The following SBF2 variants were observed in gnomAD, a reference collection of about 807,000 sequenced individuals.
SBF2 encodes the protein SET binding factor 2.
SBF2 carries 112 observed loss-of-function variants against 225.2 expected under a neutral mutation model. The observed-to-expected ratio is 0.50, with a 90% CI of 0.43 to 0.58. The LOEUF is 0.58. SBF2 is among the 20% of genes least tolerant of loss of function. The pLI, the probability that SBF2 is intolerant of heterozygous loss-of-function variation, is 0.00. For synonymous variants in SBF2, 763 were observed against 773.3 expected, an observed-to-expected ratio of 0.99 and a Z score of 0.22; for missense variants, 1,996 against 2,206.2, an observed-to-expected ratio of 0.90 and a Z score of 1.91.
intron 3 of SBF2, among the ~76,000 whole-genome samples, chr11:10,036,312 G>A (rs547964082): frequency 5.3e-5 from 8 of 152,124 alleles, no homozygotes; most frequent in Admixed American, 3.9e-4. Context: ...ATTTAATGTA[G>A]ATGACAGGTT....
chr11:10,098,343 T>C (rs1339764456), intron 2 of SBF2, among the ~76,000 whole-genome samples: 1 of 151,626 alleles, frequency 6.6e-6, no homozygotes, highest in Non-Finnish European at 1.5e-5. Flanking sequence ...ACAGAAAAGG[T>C]CTGAAGGACC....
At chr11:9,795,474 A>G (rs977180482) in intron 33 of SBF2, among the ~76,000 whole-genome samples, 1 of 152,228 alleles carries the variant, frequency 6.6e-6, no homozygotes, top group Non-Finnish European at 1.5e-5. Context: ...TCTAGAGCAC[A>G]GGGTCTTAGC....
At chr11:9,855,501 G>A (rs139494035) in intron 19 of SBF2, among the ~76,000 whole-genome samples, 1,619 of 152,222 alleles carry the variant, frequency 0.011, 10 homozygotes, top group Non-Finnish European at 0.016. Flanking sequence ...AGGATGTTGC[G>A]GCACCCATCA....
intron 17 of SBF2, among the ~76,000 whole-genome samples, chr11:9,889,067 AAC>A (rs1013001236): frequency 1.3e-5 from 2 of 152,178 alleles, no homozygotes; most frequent in African/African-American, 4.8e-5. Flanking sequence ...TGACATGAAA[AAC>A]ACAGATTTTA....
At chr11:10,280,435 T>C (rs566448358) in intron 1 of SBF2, among the ~76,000 whole-genome samples, 1 of 152,204 alleles carries the variant, frequency 6.6e-6, no homozygotes, top group African/African-American at 2.4e-5. Context: ...TCACATCTAT[T>C]CCATACATTT....
intron 13 of SBF2, 58 bp from the exon 14 acceptor site, chr11:9,968,603 CAGGA>C (rs2134388546): frequency 1.4e-6 from 2 of 1,405,734 alleles, no homozygotes; most frequent in Non-Finnish European, 1.0e-6. Context: ...GGCAGATCAC[CAGGA>C]AGGGAGTGGG....
intron 33 of SBF2, 21 bp from the exon 34 acceptor site, chr11:9,790,704 A>G (rs769724546): frequency 1.3e-6 from 2 of 1,537,550 alleles, no homozygotes; most frequent in African/African-American, 2.7e-5. Flanking sequence ...AAAAAATCCA[A>G]CAAAACAAAA....
At chr11:10,013,037 T>G (rs937948608) in intron 6 of SBF2, among the ~76,000 whole-genome samples, 5 of 152,158 alleles carry the variant, frequency 3.3e-5, no homozygotes, top group African/African-American at 1.2e-4. Flanking sequence ...CGTTCATAGT[T>G]TAGCCAGATT....
In SBF2 at chr11:9,967,972, TATATATATATATATATATAAA is replaced by T. The variant is rs372281444; in HGVS notation, c.1600+348_1600+368del. Among the ~76,000 whole-genome samples, 929 of 69,958 alleles carry T rather than the reference TATATATATATATATATATAAA, an allele frequency of 0.013. 29 individuals carry two copies. In the East Asian group the frequency reaches 0.19, roughly 15 times the overall value. 45.9% of individuals were successfully genotyped at this position (69,958 alleles called of 152,430 possible). On this transcript the variant is annotated intron_variant, in intron 14 of 39. Transcript: ENST00000256190. Reference sequence around the variant, plus strand: ...GTCTCTCTCTCTCTCTCTCTCTCTCTATATATATATATATATATAAAATATATATATATTCTCAAATTAAAT... The same window carrying T: ...GTCTCTCTCTCTCTCTCTCTCTCTCTATATATATATATTCTCAAATTAAAT...
intron 3 of SBF2, among the ~76,000 whole-genome samples, chr11:10,038,971 TA>T (rs1471803571): frequency 1.3e-4 from 20 of 151,888 alleles, no homozygotes; most frequent in Admixed American, 1.2e-3. Flanking sequence ...GCTGATTACT[TA>T]AAAAAATTTA....
rs1240231744 is a variant in SBF2 at position 10,206,859 on chromosome 11, A to G, written c.56-12872T>C. Among the ~76,000 whole-genome samples, 7 of 152,064 alleles carry G rather than the reference A, an allele frequency of 4.6e-5. No individual in the cohort carries two copies. The South Asian group carries it at 1.0e-3, about 23-fold the overall frequency. ...GGAACCCATGGGAGGTCCACAGACC[A>G]TAACAAAAGATCCACTATTCATATC... On this transcript the variant is annotated intron_variant, in intron 1 of 39. Coordinates refer to ENST00000256190, the MANE Select transcript of SBF2 (RefSeq NM_030962.4).
intron 17 of SBF2, among the ~76,000 whole-genome samples, chr11:9,880,683 A>G (rs1156398827): frequency 6.6e-6 from 1 of 152,220 alleles, no homozygotes; most frequent in Non-Finnish European, 1.5e-5. Context: ...ACTCAAGAGT[A>G]TGGTATTACG....
intron 5 of SBF2, among the ~76,000 whole-genome samples, chr11:10,029,316 A>C (rs1376990530): frequency 2.0e-5 from 3 of 152,214 alleles, no homozygotes; most frequent in Admixed American, 2.0e-4. Flanking sequence ...ATTAATAAGT[A>C]GTTACAATGT....
At position 9,809,040 on chromosome 11, in the gene SBF2, C is replaced by A. The variant is rs142982177; in HGVS notation, c.4156-38G>T. 14 of 1,518,352 alleles carry A rather than the reference C, an allele frequency of 9.2e-6. No homozygotes were observed. In the African/African-American group the frequency reaches 1.2e-4, roughly 13 times the overall value. 94.1% of individuals were successfully genotyped at this position (1,518,352 alleles called of 1,614,324 possible). ...AAGGAGAACACAATTAGACCAAGCGCTTTCTGAGTGCAGAAGTCAGAGAGA... is the reference window on the plus strand; with the variant it reads ...AAGGAGAACACAATTAGACCAAGCGATTTCTGAGTGCAGAAGTCAGAGAGA... On this transcript the variant is annotated intron_variant, in intron 30 of 39. Transcript: ENST00000256190.
chr11:10,059,542 T>C lies in SBF2; in HGVS notation c.142-16561A>G, dbSNP rs138918766. Among the ~76,000 whole-genome samples, 581 of 152,302 alleles carry C rather than the reference T, an allele frequency of 3.8e-3. 4 individuals carry two copies. The highest frequency in any genetic ancestry group is 5.4e-3 in the South Asian group (26 of 4,814). The stretch of plus-strand genomic sequence containing the variant: ...GGACCAAATGGATCTCATAGACCTT[T>C]ACAGAAGTTTCCACCCAAAAACAAC... On this transcript the variant is annotated intron_variant, in intron 2 of 39. Transcript: ENST00000256190.
chr11:10,055,600 G>T (rs185317804), intron 2 of SBF2, among the ~76,000 whole-genome samples: 3 of 140,720 alleles, frequency 2.1e-5, no homozygotes, highest in African/African-American at 8.0e-5. Flanking sequence ...TCATAAAAAA[G>T]AACAAAATAA....
At chr11:10,244,550 T>C (rs1000575289) in intron 1 of SBF2, among the ~76,000 whole-genome samples, 1 of 152,248 alleles carries the variant, frequency 6.6e-6, no homozygotes, top group African/African-American at 2.4e-5. Context: ...GGAAGTGTGA[T>C]GCCTCTAGCT....
intron 16 of SBF2, chr11:9,960,509 A>C (rs1407971784): frequency 6.6e-6 from 1 of 152,106 alleles, no homozygotes; most frequent in Non-Finnish European, 1.5e-5. Flanking sequence ...ATGTCCCAGC[A>C]CTATTAATTG....
chr11:9,833,921 C>T lies in SBF2; in HGVS notation c.3456-1501G>A, dbSNP rs574698487. On this transcript the variant is annotated intron_variant, in intron 26 of 39. Coordinates refer to ENST00000256190, the MANE Select transcript of SBF2 (RefSeq NM_030962.4). ...GAGTAGCTGGGATTACAGGCATGTGCCACCACGCCTGGCTAATTTTGTATT... is the reference window on the plus strand; with the variant it reads ...GAGTAGCTGGGATTACAGGCATGTGTCACCACGCCTGGCTAATTTTGTATT... Among the ~76,000 whole-genome samples, 188 of 151,366 alleles carry T rather than the reference C, an allele frequency of 1.2e-3. 1 individual carries two copies. Among genetic ancestry groups the T allele is most frequent in the African/African-American group, 4.3e-3 (176 of 41,238 alleles).
Sources: allele counts gnomAD v4.1 joint callset (sites outside exome capture counted in the v4.1 genomes callset), GRCh38; gene constraint gnomAD v4.1.1; transcripts MANE v1.5; gene names NCBI Gene and HGNC (gene_info 2026-07-23, HGNC 2026-07-21).